Variants in CNTN5 observed in about 807,000 individuals in gnomAD.
CNTN5 encodes the protein contactin-5.
A neutral mutation model predicts 129.1 loss-of-function variants in CNTN5; 77 were observed. That is an observed-to-expected ratio of 0.60 (90% CI 0.50 to 0.72). CNTN5 has a LOEUF of 0.72. CNTN5 is among the 30% of genes least tolerant of loss of function. The probability of loss-of-function intolerance (pLI) is 0.00; values close to 1 mark genes in which losing one functional copy is unlikely to be tolerated. For missense variants in CNTN5, 1,478 were observed against 1,328.8 expected, an observed-to-expected ratio of 1.11 and a Z score of -1.75; for synonymous variants, 509 against 465.6, an observed-to-expected ratio of 1.09 and a Z score of -1.20.
chr11:100,239,203 CAGA>C (rs1407805439), intron 16 of CNTN5, among the ~76,000 whole-genome samples: 2 of 152,108 alleles, frequency 1.3e-5, no homozygotes, highest in African/African-American at 4.8e-5. Context: ...TCTTAGTTTA[CAGA>C]AGGACTTTTC....
At chr11:99,969,401 A>G (rs1951187320) in intron 8 of CNTN5, among the ~76,000 whole-genome samples, 1 of 152,130 alleles carries the variant, frequency 6.6e-6, no homozygotes, top group Non-Finnish European at 1.5e-5. Flanking sequence ...GTGAACTTTG[A>G]GTTGACTTTT....
intron 1 of CNTN5, among the ~76,000 whole-genome samples, chr11:99,281,605 G>T (rs533513249): frequency 6.6e-6 from 1 of 151,790 alleles, no homozygotes; most frequent in Non-Finnish European, 1.5e-5. Flanking sequence ...TGAAACTCAC[G>T]GTCTTTATAA....
At chr11:100,186,954 T>G (rs1159869474) in intron 13 of CNTN5, among the ~76,000 whole-genome samples, 1 of 152,180 alleles carries the variant, frequency 6.6e-6, no homozygotes, top group Non-Finnish European at 1.5e-5. Flanking sequence ...GCTCAGCTGG[T>G]AAGCATTTGC....
At chr11:99,978,158 A>G (rs1938110332) in intron 8 of CNTN5, among the ~76,000 whole-genome samples, 1 of 152,198 alleles carries the variant, frequency 6.6e-6, no homozygotes, top group African/African-American at 2.4e-5. Context: ...AGATAATAAA[A>G]ATTTTAAAGA....
At chr11:99,195,473 C>T (rs949287456) in intron 1 of CNTN5, among the ~76,000 whole-genome samples, 5 of 151,956 alleles carry the variant, frequency 3.3e-5, no homozygotes, top group Admixed American at 2.0e-4. Flanking sequence ...TACATTAAAG[C>T]GCTCCTTTAT....
chr11:99,627,128 C>T (rs138637015), intron 3 of CNTN5, among the ~76,000 whole-genome samples: 8 of 151,966 alleles, frequency 5.3e-5, no homozygotes, highest in Non-Finnish European at 1.0e-4. Flanking sequence ...GCTCGCTGTT[C>T]GTGTTGCAGG....
intron 23 of CNTN5, among the ~76,000 whole-genome samples, chr11:100,343,525 A>C (rs1050011190): frequency 6.6e-6 from 1 of 152,114 alleles, no homozygotes; most frequent in African/African-American, 2.4e-5. Context: ...TTCTCCTCAG[A>C]ACGCGGGTTT....
intron 13 of CNTN5, among the ~76,000 whole-genome samples, chr11:100,148,582 C>T (rs551666358): frequency 1.3e-5 from 2 of 152,252 alleles, no homozygotes; most frequent in South Asian, 2.1e-4. Context: ...TTGTGTGAGT[C>T]GTTTTTGCCA....
intron 3 of CNTN5, among the ~76,000 whole-genome samples, chr11:99,597,168 C>T (rs1950151777): frequency 6.6e-6 from 1 of 152,102 alleles, no homozygotes; most frequent in African/African-American, 2.4e-5. Flanking sequence ...TCATATGATT[C>T]ATTTGAGTAA....
chr11:99,510,482 A>G (rs1946794234), intron 2 of CNTN5, among the ~76,000 whole-genome samples: 1 of 152,204 alleles, frequency 6.6e-6, no homozygotes, highest in South Asian at 2.1e-4. Flanking sequence ...AAACTAATGG[A>G]TGCAACATAG....
At chr11:100,095,931 A>G (rs1035833915) in intron 13 of CNTN5, among the ~76,000 whole-genome samples, 1 of 152,056 alleles carries the variant, frequency 6.6e-6, no homozygotes, top group Non-Finnish European at 1.5e-5. Context: ...ACATCTGTCA[A>G]AGCTGTTCTA....
At chr11:99,555,710 A>C (rs1313875032) in intron 2 of CNTN5, among the ~76,000 whole-genome samples, 1 of 151,908 alleles carries the variant, frequency 6.6e-6, no homozygotes, top group Non-Finnish European at 1.5e-5. Context: ...CTACAGGCAC[A>C]ATGTGTAAAA....
intron 1 of CNTN5, among the ~76,000 whole-genome samples, chr11:99,233,018 C>G (rs779818190): frequency 2.0e-5 from 3 of 152,136 alleles, no homozygotes; most frequent in East Asian, 1.9e-4. Context: ...TTTGTTCAGC[C>G]GAGGAGAGGT....
intron 15 of CNTN5, among the ~76,000 whole-genome samples, chr11:100,209,778 A>C (rs1948988947): frequency 6.6e-6 from 1 of 152,228 alleles, no homozygotes; most frequent in African/African-American, 2.4e-5. Flanking sequence ...GACTATGGGC[A>C]TATCTGAAGC....
At chr11:99,987,311 G>A (rs934721255) in intron 8 of CNTN5, among the ~76,000 whole-genome samples, 1 of 151,706 alleles carries the variant, frequency 6.6e-6, no homozygotes, top group African/African-American at 2.4e-5. Flanking sequence ...GGAACAAATG[G>A]GTAGAAATGC....
intron 4 of CNTN5, among the ~76,000 whole-genome samples, chr11:99,828,798 A>G (rs1012582157): frequency 6.6e-6 from 1 of 152,162 alleles, no homozygotes; most frequent in Non-Finnish European, 1.5e-5. Context: ...GGTCATGTTG[A>G]TGATGTATTT....
chr11:99,023,136 C>T (rs1862957259), intron 1 of CNTN5, among the ~76,000 whole-genome samples: 2 of 152,164 alleles, frequency 1.3e-5, no homozygotes, highest in South Asian at 2.1e-4. Context: ...GCAGTTAGTA[C>T]TTCAAGTATT....
At chr11:99,066,915 T>G (rs950433039) in intron 1 of CNTN5, among the ~76,000 whole-genome samples, 1 of 152,100 alleles carries the variant, frequency 6.6e-6, no homozygotes, top group African/African-American at 2.4e-5. Flanking sequence ...CCCCACTAAA[T>G]TTTCTTAGAA....
intron 1 of CNTN5, among the ~76,000 whole-genome samples, chr11:99,221,250 A>G (rs1860383628): frequency 6.6e-6 from 1 of 151,932 alleles, no homozygotes; most frequent in Non-Finnish European, 1.5e-5. Flanking sequence ...CTTTGAAAGG[A>G]TTTAATATAT....
Sources: allele counts gnomAD v4.1 joint callset (sites outside exome capture counted in the v4.1 genomes callset), GRCh38; gene constraint gnomAD v4.1.1; transcripts MANE v1.5; gene names NCBI Gene and HGNC (gene_info 2026-07-23, HGNC 2026-07-21).